KCNG3: variants seen among roughly 807,000 people sequenced by gnomAD.
The protein encoded by KCNG3 is potassium voltage-gated channel modifier subfamily G member 3.
In KCNG3, 15 loss-of-function variants were observed where a neutral mutation model predicts 29.0. The ratio of observed to expected loss-of-function variants is 0.52; its 90% CI spans 0.35 to 0.80. The LOEUF is 0.80. Ranked by LOEUF, KCNG3 falls within the 30% of genes least tolerant of loss-of-function variation. The pLI, the probability that KCNG3 is intolerant of heterozygous loss-of-function variation, is 0.01. For synonymous variants in KCNG3, 322 were observed against 248.9 expected (o/e 1.29, Z -2.76); for missense variants, 512 against 605.7 (o/e 0.85, Z 1.62).
intron 1 of KCNG3, among the ~76,000 whole-genome samples, chr2:42,478,991 G>C (rs963117238): frequency 1.4e-5 from 2 of 139,706 alleles, no homozygotes; most frequent in African/African-American, 5.3e-5. Flanking sequence ...TGGAGTATTT[G>C]CATAATACCA....
intron 1 of KCNG3, among the ~76,000 whole-genome samples, chr2:42,447,757 G>A (rs1043009426): frequency 6.6e-6 from 1 of 151,096 alleles, no homozygotes; most frequent in East Asian, 1.9e-4. Context: ...GAATGGCCTC[G>A]AACTCCTGGG....
Position 42,443,967 on chromosome 2 carries a change from A to G in KCNG3, c.1278T>C (p.Tyr426=). The G allele has an allele frequency of 6.2e-7, 1 of 1,613,958 alleles. No homozygotes were observed. The highest frequency in any genetic ancestry group is 8.5e-7 in the Non-Finnish European group (1 of 1,179,910). The change falls in exon 2 of 2, where the codon TAT becomes TAC. Residue 426 remains tyrosine (Y), a synonymous_variant. Transcript: ENST00000306078. ...YHELKFRSAR[Y]SRSLSTEFLN The stretch of plus-strand genomic sequence containing the variant: ...GGAATTCAGTGGAGAGGCTCCTACT[A>G]TACCTAGCAGATCTAAACTTGAGCT...
intron 1 of KCNG3, among the ~76,000 whole-genome samples, chr2:42,481,388 C>A (rs1280560447): frequency 6.6e-6 from 1 of 152,160 alleles, no homozygotes; most frequent in Non-Finnish European, 1.5e-5. Flanking sequence ...AATACCAGTA[C>A]CAAAGGCTTC....
At chr2:42,425,653 T>C in the KCNG3 span, among the ~76,000 whole-genome samples, 1 of 152,268 alleles carries the variant, frequency 6.6e-6, no homozygotes, top group South Asian at 2.1e-4. Context: ...ACTACGTGCC[T>C]ATAGGTACCC....
the KCNG3 span, among the ~76,000 whole-genome samples, chr2:42,419,494 G>A: frequency 9.2e-5 from 14 of 151,746 alleles, no homozygotes; most frequent in African/African-American, 2.9e-4. Context: ...TCCCCGCCTC[G>A]GCCTCCCAAA....
the KCNG3 span, among the ~76,000 whole-genome samples, chr2:42,435,010 A>C: frequency 6.6e-6 from 1 of 152,242 alleles, no homozygotes; most frequent in Non-Finnish European, 1.5e-5. Flanking sequence ...AAAACTCTTA[A>C]GAGAAAACAG....
intron 1 of KCNG3, among the ~76,000 whole-genome samples, chr2:42,446,109 A>C (rs1254001803): frequency 6.6e-6 from 1 of 152,062 alleles, no homozygotes; most frequent in African/African-American, 2.4e-5. Flanking sequence ...AAGCTGAGAA[A>C]ATCAAATTTC....
At chr2:42,406,086 T>C in the KCNG3 span, among the ~76,000 whole-genome samples, 1 of 152,168 alleles carries the variant, frequency 6.6e-6, no homozygotes, top group Non-Finnish European at 1.5e-5. Flanking sequence ...ATGTTTTCAA[T>C]ATTGTTGTTT....
At chr2:42,480,271 C>T (rs1019914606) in intron 1 of KCNG3, among the ~76,000 whole-genome samples, 1 of 152,150 alleles carries the variant, frequency 6.6e-6, no homozygotes, top group Non-Finnish European at 1.5e-5. Context: ...ATCCTGGAAG[C>T]CACCAAATAT....
rs775233756 is a variant in KCNG3 at position 42,489,461 on chromosome 2, A to G, written c.665+3376T>C. 1.1e-4 allele frequency among the ~76,000 whole-genome samples: 17 copies of G among 152,330 alleles called. No individual in the cohort carries two copies. The Middle Eastern group carries it at 0.02, about 183-fold the overall frequency. Reference sequence around the variant, plus strand: ...GTATAAGAGAATTTACCTGCCTTCTAGGACTTTTTATCTAATCCAACTTAG... The same window carrying G: ...GTATAAGAGAATTTACCTGCCTTCTGGGACTTTTTATCTAATCCAACTTAG... On this transcript the variant is annotated intron_variant, in intron 1 of 1. Transcript: ENST00000306078.
At chr2:42,462,231 G>C (rs1314770423) in intron 1 of KCNG3, among the ~76,000 whole-genome samples, 2 of 152,108 alleles carry the variant, frequency 1.3e-5, no homozygotes, top group African/African-American at 2.4e-5. Flanking sequence ...TCTAGTGCAA[G>C]GGCAAAAAAG....
chr2:42,490,102 G>A (rs1673833163), intron 1 of KCNG3, among the ~76,000 whole-genome samples: 1 of 152,160 alleles, frequency 6.6e-6, no homozygotes, highest in South Asian at 2.1e-4. Flanking sequence ...TGGAATTCAA[G>A]GCCTTCTGTC....
At chr2:42,487,559 A>C (rs1673756774) in intron 1 of KCNG3, among the ~76,000 whole-genome samples, 1 of 152,220 alleles carries the variant, frequency 6.6e-6, no homozygotes, top group Non-Finnish European at 1.5e-5. Flanking sequence ...TGCTCAAAAT[A>C]AAACAAAACT....
intron 1 of KCNG3, among the ~76,000 whole-genome samples, chr2:42,480,558 C>T (rs1673556049): frequency 6.6e-6 from 1 of 152,094 alleles, no homozygotes; most frequent in Non-Finnish European, 1.5e-5. Flanking sequence ...ATGAGTGTGG[C>T]TGTGTTCCAA....
At chr2:42,419,425 A>C in the KCNG3 span, among the ~76,000 whole-genome samples, 1 of 151,008 alleles carries the variant, frequency 6.6e-6, no homozygotes, top group African/African-American at 2.4e-5. Context: ...TTTTAGTTAA[A>C]GAGATGGGGT....
At chr2:42,471,930 A>G (rs1041165299) in intron 1 of KCNG3, among the ~76,000 whole-genome samples, 3 of 152,024 alleles carry the variant, frequency 2.0e-5, no homozygotes, top group Non-Finnish European at 4.4e-5. Context: ...AAAGCAAAAT[A>G]TATTTCATAT....
At chr2:42,409,530 C>G in the KCNG3 span, among the ~76,000 whole-genome samples, 1 of 151,318 alleles carries the variant, frequency 6.6e-6, no homozygotes, top group Non-Finnish European at 1.5e-5. Context: ...ACGGTGAAAC[C>G]TGTCTCTACA....
chr2:42,395,487 G>A, the KCNG3 span, among the ~76,000 whole-genome samples: 1 of 152,018 alleles, frequency 6.6e-6, no homozygotes, highest in African/African-American at 2.4e-5. Context: ...GGAGGAGCTG[G>A]GACTACAGGT....
intron 1 of KCNG3, among the ~76,000 whole-genome samples, chr2:42,461,688 A>G (rs1409328112): frequency 1.3e-5 from 2 of 152,154 alleles, no homozygotes; most frequent in East Asian, 1.9e-4. Flanking sequence ...CAATGTACAT[A>G]TATTTGCCTA....
Sources: allele counts gnomAD v4.1 joint callset (sites outside exome capture counted in the v4.1 genomes callset), GRCh38; gene constraint gnomAD v4.1.1; transcripts MANE v1.5; gene names NCBI Gene and HGNC (gene_info 2026-07-23, HGNC 2026-07-21).